FRMD4B: variants seen among roughly 807,000 people sequenced by gnomAD.
FRMD4B encodes the protein FERM domain containing 4B.
Under a neutral mutation model 141.5 loss-of-function variants are expected in FRMD4B, and 74 were observed. The ratio of observed to expected loss-of-function variants is 0.52; its 90% CI spans 0.43 to 0.63. FRMD4B has a LOEUF of 0.63. FRMD4B is among the 30% of genes least tolerant of loss of function. The pLI, the probability that FRMD4B is intolerant of heterozygous loss-of-function variation, is 0.00. For missense variants in FRMD4B, 1,366 were observed against 1,253.4 expected, an observed-to-expected ratio of 1.09 and a Z score of -1.36; for synonymous variants, 506 against 467.9, an observed-to-expected ratio of 1.08 and a Z score of -1.05.
At chr3:69,471,167 G>GT (rs553128525) in intron 1 of FRMD4B, among the ~76,000 whole-genome samples, 4 of 152,220 alleles carry the variant, frequency 2.6e-5, no homozygotes, top group Non-Finnish European at 4.4e-5. Context: ...GGTTTGGTGA[G>GT]TTTTTTTCAA....
At chr3:69,263,224 T>C (rs1208415082) in intron 5 of FRMD4B, among the ~76,000 whole-genome samples, 3 of 151,946 alleles carry the variant, frequency 2.0e-5, no homozygotes, top group African/African-American at 7.3e-5. Flanking sequence ...GCCACTGCAC[T>C]CCAACCTGGG....
chr3:69,348,369 G>C (rs1431584024), intron 1 of FRMD4B, among the ~76,000 whole-genome samples: 1 of 152,116 alleles, frequency 6.6e-6, no homozygotes, highest in Non-Finnish European at 1.5e-5. Flanking sequence ...AAAAGTCCAG[G>C]ACCAGATGGA....
At chr3:69,444,262 G>A (rs1705381697) in intron 1 of FRMD4B, among the ~76,000 whole-genome samples, 1 of 152,178 alleles carries the variant, frequency 6.6e-6, no homozygotes, top group African/African-American at 2.4e-5. Flanking sequence ...CTGCAATAAT[G>A]CTGTCTCAGT....
intron 1 of FRMD4B, among the ~76,000 whole-genome samples, chr3:69,437,092 A>T (rs1011316097): frequency 2.0e-5 from 3 of 152,132 alleles, no homozygotes; most frequent in Middle Eastern, 6.3e-3. Context: ...GAATGCACTT[A>T]GACAGAGTCT....
chr3:69,200,686 A>C, intron 11 of FRMD4B: 1 of 1,266,980 alleles, frequency 7.9e-7, no homozygotes, highest in Non-Finnish European at 1.0e-6. Context: ...CAGAAAAGAG[A>C]CCTTTCTAAA....
chr3:69,530,355 T>C (rs1175071608), intron 1 of FRMD4B, among the ~76,000 whole-genome samples: 2 of 152,222 alleles, frequency 1.3e-5, no homozygotes, highest in Non-Finnish European at 2.9e-5. Flanking sequence ...TCTCACTCTA[T>C]TGGTTTTCAC....
chr3:69,198,436 CAA>C (rs1454445564), intron 12 of FRMD4B: 1 of 414,886 alleles, frequency 2.4e-6, no homozygotes, highest in Non-Finnish European at 4.3e-6. Context: ...CTAAAAATAA[CAA>C]GTGTCGGTGA....
chr3:69,200,980 G>C, intron 11 of FRMD4B: 1 of 388,662 alleles, frequency 2.6e-6, no homozygotes, highest in East Asian at 7.3e-5. Context: ...TAGCGCTTTG[G>C]ACTCCATTCA....
At chr3:69,509,101 T>C (rs2107092533) in intron 1 of FRMD4B, among the ~76,000 whole-genome samples, 1 of 152,344 alleles carries the variant, frequency 6.6e-6, no homozygotes. Context: ...TTCACAGGCT[T>C]CTGCAGCAGT....
intron 1 of FRMD4B, among the ~76,000 whole-genome samples, chr3:69,531,182 T>C (rs1444978160): frequency 6.6e-6 from 1 of 152,198 alleles, no homozygotes; most frequent in Admixed American, 6.5e-5. Flanking sequence ...ATTCTTAGCA[T>C]CCTGCCTGGG....
chr3:69,225,722 AAAAAAAGAG>A, intron 7 of FRMD4B, among the ~76,000 whole-genome samples: 3 of 76,146 alleles, frequency 3.9e-5, no homozygotes, highest in Non-Finnish European at 5.8e-5. Flanking sequence ...AAAAAAAAAA[AAAAAAAGAG>A]GGAGAACACG....
intron 5 of FRMD4B, among the ~76,000 whole-genome samples, chr3:69,271,901 G>A (rs1001178349): frequency 7.3e-4 from 111 of 152,220 alleles, no homozygotes; most frequent in Admixed American, 4.1e-3. Context: ...CTTGAATCTG[G>A]GAGGCGGAGG....
chr3:69,353,650 CGT>C (rs377358619), intron 1 of FRMD4B: 6 of 982,466 alleles, frequency 6.1e-6, no homozygotes, highest in East Asian at 1.1e-4. Flanking sequence ...TGTGCGCGCG[CGT>C]GTGTGTGCGC....
chr3:69,193,360 T>C (rs1004295247), intron 17 of FRMD4B, among the ~76,000 whole-genome samples: 16 of 151,972 alleles, frequency 1.1e-4, no homozygotes, highest in African/African-American at 3.9e-4. Context: ...AATACAAAAT[T>C]AGCTAGGTGT....
At chr3:69,202,983 A>G (rs1235478228) in intron 11 of FRMD4B, among the ~76,000 whole-genome samples, 1 of 152,116 alleles carries the variant, frequency 6.6e-6, no homozygotes, top group East Asian at 1.9e-4. Flanking sequence ...ACAAAAATTT[A>G]AAACTGACAC....
chr3:69,427,643 G>GTTTTTTTGTTTTTTTTTT (rs1705106086), intron 2 of FRMD4B, among the ~76,000 whole-genome samples: 2 of 36,238 alleles, frequency 5.5e-5, no homozygotes, highest in African/African-American at 2.1e-4. Context: ...CTAGGTAAAT[G>GTTTTTTTGTTTTTTTTTT]TTTTTTTTTT....
At position 69,195,034 on chromosome 3, in the gene FRMD4B, C is replaced by T. The variant is rs755078252; in HGVS notation, c.1476G>A (p.Leu492=). 4.3e-6 allele frequency: 7 copies of T among 1,613,608 alleles called. No individual in the cohort carries two copies. In the Admixed American group the frequency reaches 8.3e-5, roughly 19 times the overall value. Residue 492 remains leucine, a synonymous_variant, in exon 16 of 23, where the codon CTG becomes CTA. Coordinates refer to ENST00000398540, the MANE Select transcript of FRMD4B (RefSeq NM_015123.3). ...GCGTTGTTCATACTTCTTCACTCGG[C>T]AGCAAGTTGTCATCTAATTTGAACG... The part of the protein sequence containing the change: ...GTAFKLDDNL[L]PSEEDPALQE...
chr3:69,474,065 C>T (rs1705938962), intron 1 of FRMD4B, among the ~76,000 whole-genome samples: 1 of 152,172 alleles, frequency 6.6e-6, no homozygotes, highest in African/African-American at 2.4e-5. Context: ...ACTGCAAATG[C>T]CCAAGGGATG....
At chr3:69,315,826 A>G (rs1002067983) in intron 1 of FRMD4B, among the ~76,000 whole-genome samples, 1 of 152,248 alleles carries the variant, frequency 6.6e-6, no homozygotes, top group Admixed American at 6.5e-5. Context: ...TTTGAAAAGC[A>G]GGGGCAACAT....
Sources: gnomAD v4.1 joint callset for allele counts (sites outside exome capture counted in the v4.1 genomes callset) on GRCh38, gnomAD v4.1.1 for gene constraint, MANE v1.5 for transcripts, NCBI Gene and HGNC (gene_info 2026-07-23, HGNC 2026-07-21) for gene names.